IPMK: variants seen among roughly 807,000 people sequenced by gnomAD.
IPMK encodes inositol polyphosphate multikinase.
A neutral mutation model predicts 45.8 loss-of-function variants in IPMK; 17 were observed. The observed-to-expected ratio is 0.37, with a 90% CI of 0.25 to 0.56. The LOEUF (loss-of-function observed/expected upper bound fraction) is 0.56. Among genes scored for constraint, IPMK ranks in the 20% least tolerant of loss-of-function variants. The pLI, the probability that IPMK is intolerant of heterozygous loss-of-function variation, is 0.79. For missense variants in IPMK, 399 were observed against 498.0 expected (o/e 0.80, Z 1.89); for synonymous variants, 180 against 184.3 (o/e 0.98, Z 0.19).
Position 58,195,974 on chromosome 10 carries a change from G to T in IPMK, c.*102C>A. On this transcript the variant is annotated 3_prime_UTR_variant, in exon 6 of 6. Transcript: ENST00000373935. ...AAAGTATAAAGACAAATAAAATGTC[G>T]ACTCATAATACAAATTTTTTACATA... The T allele has an allele frequency of 9.3e-7, 1 of 1,073,378 alleles. No individual in the cohort carries two copies. The highest frequency in any genetic ancestry group is 1.3e-6 in the Non-Finnish European group (1 of 741,324). The allele number at this position is 1,073,378 out of a possible 1,614,324, so 66.5% of individuals were successfully genotyped here.
At chr10:58,241,677 G>C (rs1838698154) in intron 1 of IPMK, among the ~76,000 whole-genome samples, 1 of 152,076 alleles carries the variant, frequency 6.6e-6, no homozygotes, top group Non-Finnish European at 1.5e-5. Flanking sequence ...TTAGCTTGTA[G>C]AAGGTCACCT....
At chr10:58,255,456 C>T (rs2132177026) in intron 1 of IPMK, among the ~76,000 whole-genome samples, 1 of 152,234 alleles carries the variant, frequency 6.6e-6, no homozygotes, top group Non-Finnish European at 1.5e-5. Context: ...AATGATTTCT[C>T]TTATCAGTCA....
chr10:58,244,651 G>A (rs1293133369), intron 1 of IPMK, among the ~76,000 whole-genome samples: 1 of 152,158 alleles, frequency 6.6e-6, no homozygotes, highest in Non-Finnish European at 1.5e-5. Flanking sequence ...TACTGTGTCT[G>A]TGTAGAAAGA....
intron 4 of IPMK, among the ~76,000 whole-genome samples, chr10:58,202,358 A>AT (rs1203172268): frequency 6.6e-6 from 1 of 152,154 alleles, no homozygotes; most frequent in East Asian, 1.9e-4. Context: ...ATACTCACTC[A>AT]TTTGTCCTAG....
chr10:58,225,310 A>G (rs944123095), intron 3 of IPMK, among the ~76,000 whole-genome samples: 2 of 152,200 alleles, frequency 1.3e-5, no homozygotes, highest in African/African-American at 2.4e-5. Context: ...CGTGGAGCTC[A>G]AAAAGATTAC....
At position 58,244,231 on chromosome 10, in the gene IPMK, T is replaced by C. The variant is rs1333401562; in HGVS notation, c.191-6417A>G. ...CCCCACCTGGGAGGTGAGGAGCGCCTATGCCCGGCTGCCCTTGGTCTGGGA... is the reference window on the plus strand; with the variant it reads ...CCCCACCTGGGAGGTGAGGAGCGCCCATGCCCGGCTGCCCTTGGTCTGGGA... On this transcript the variant is annotated intron_variant, in intron 1 of 5. Coordinates refer to ENST00000373935, the MANE Select transcript of IPMK (RefSeq NM_152230.5). Among the ~76,000 whole-genome samples, 82 of 141,790 alleles carry C rather than the reference T, an allele frequency of 5.8e-4. 1 individual carries two copies. The highest frequency in any genetic ancestry group is 9.9e-4 in the Non-Finnish European group (65 of 65,912). The allele number at this position is 141,790 out of a possible 152,430, so 93.0% of individuals were successfully genotyped here. A position where few individuals can be genotyped will look rare whatever the true frequency, so the allele number is the denominator to read the frequency against.
intron 1 of IPMK, among the ~76,000 whole-genome samples, chr10:58,238,837 G>GTT (rs143503851): frequency 1.7e-4 from 25 of 148,956 alleles, no homozygotes; most frequent in African/African-American, 4.5e-4. Flanking sequence ...CAGAAATCAA[G>GTT]TTTGTTTTTT....
At chr10:58,265,668 C>CA (rs1269786325) in intron 1 of IPMK, among the ~76,000 whole-genome samples, 3 of 151,936 alleles carry the variant, frequency 2.0e-5, no homozygotes, top group Admixed American at 1.3e-4. Context: ...TATGAAATTG[C>CA]AAAAAAAGTT....
chr10:58,218,994 G>A (rs1838290494), intron 3 of IPMK, among the ~76,000 whole-genome samples: 1 of 152,134 alleles, frequency 6.6e-6, no homozygotes, highest in Non-Finnish European at 1.5e-5. Context: ...AGTAAATAGG[G>A]ATGAATATCA....
At chr10:58,223,641 G>A (rs1390357624) in intron 3 of IPMK, among the ~76,000 whole-genome samples, 1 of 152,092 alleles carries the variant, frequency 6.6e-6, no homozygotes, top group Middle Eastern at 3.2e-3. Flanking sequence ...ACCACTGCTC[G>A]ATTATGAAGC....
In IPMK at chr10:58,267,449, C is replaced by T; in HGVS notation, c.163G>A (p.Gly55Arg). 6.2e-7 allele frequency: 1 copy of T among 1,613,852 alleles called. No individual in the cohort carries two copies. The highest frequency in any genetic ancestry group is 8.5e-7 in the Non-Finnish European group (1 of 1,179,868). Residue 55 changes from glycine (G) to arginine (R), a missense_variant, in exon 1 of 6, where the codon GGG becomes AGG. Gly to Arg is a moderately radical substitution (Grantham distance 125). Around this residue, in one of 2 missense-constraint regions of IPMK, gnomAD observed 111 missense variants for 99.9 expected, o/e 1.11. Transcript: ENST00000373935. ...GCVPLSHQVA[G>R]HMYGKDKVGI... ...ACTTTGTCCTTCCCGTACATGTGCC[C>T]GGCCACCTGATGCGAGAGGGGCACG...
At chr10:58,243,596 C>T (rs944837110) in intron 1 of IPMK, among the ~76,000 whole-genome samples, 1 of 152,346 alleles carries the variant, frequency 6.6e-6, no homozygotes, top group Admixed American at 6.5e-5. Context: ...TCTCCAGCTC[C>T]TGGCCTCGGG....
rs1161668401 is a variant in IPMK, at chr10:58,267,571, G to A, written c.41C>T (p.Pro14Leu). The change falls in exon 1 of 6, where the codon CCG (proline) becomes CTG (leucine). Residue 14 changes from proline to leucine, a missense_variant. Coordinates refer to ENST00000373935, the MANE Select transcript of IPMK (RefSeq NM_152230.5). Reference protein sequence around the residue: ...EPPSPLRVEAPGPPEMRTSPA... With the variant: ...EPPSPLRVEALGPPEMRTSPA... ...TGAGGTCCGCATTTCTGGGGGGCCC[G>A]GCGCCTCGACCCGGAGGGGGGATGG... The A allele has an allele frequency of 3.1e-6, 5 of 1,608,318 alleles. No individual in the cohort carries two copies. Among genetic ancestry groups the A allele is most frequent in the Non-Finnish European group, 4.2e-6 (5 of 1,177,804 alleles).
chr10:58,266,595 T>C (rs1271838335), intron 1 of IPMK, among the ~76,000 whole-genome samples: 1 of 152,138 alleles, frequency 6.6e-6, no homozygotes, highest in African/African-American at 2.4e-5. Context: ...AGATCCACAA[T>C]ACTCACATAC....
chr10:58,230,533 C>T (rs1340585252), intron 2 of IPMK, among the ~76,000 whole-genome samples: 1 of 152,182 alleles, frequency 6.6e-6, no homozygotes, highest in Non-Finnish European at 1.5e-5. Context: ...ACCAGGCAAA[C>T]GGTCTGGAGT....
intron 1 of IPMK, among the ~76,000 whole-genome samples, chr10:58,248,285 G>C (rs1838831740): frequency 1.3e-5 from 2 of 151,642 alleles, no homozygotes; most frequent in African/African-American, 4.8e-5. Context: ...TAAGAATACT[G>C]TACATTTAAA....
chr10:58,236,131 A>C lies in IPMK; in HGVS notation c.276+1598T>G, dbSNP rs940940195. The stretch of plus-strand genomic sequence containing the variant: ...TTTTTGGTAGAGACGGGGTTTCACC[A>C]TGTTGACCAGGCTGATCTTGAACTC... On this transcript the variant is annotated intron_variant, in intron 2 of 5. Coordinates refer to ENST00000373935, the MANE Select transcript of IPMK (RefSeq NM_152230.5). 6.1e-4 allele frequency among the ~76,000 whole-genome samples: 93 copies of C among 151,228 alleles called. 1 individual carries two copies. Among genetic ancestry groups the C allele is most frequent in the African/African-American group, 2.3e-3 (93 of 40,952 alleles).
At chr10:58,256,255 G>C (rs1588972758) in intron 1 of IPMK, among the ~76,000 whole-genome samples, 1 of 152,266 alleles carries the variant, frequency 6.6e-6, no homozygotes, top group East Asian at 1.9e-4. Flanking sequence ...TTCTCAGCAA[G>C]GAATACCCCT....
chr10:58,211,205 T>C (rs1406470121), intron 4 of IPMK, among the ~76,000 whole-genome samples: 5 of 151,632 alleles, frequency 3.3e-5, no homozygotes, highest in Non-Finnish European at 7.4e-5. Context: ...TTTTTTTTTT[T>C]TTATGAGACA....
Sources: gnomAD v4.1 joint callset for allele counts (sites outside exome capture counted in the v4.1 genomes callset) on GRCh38, gnomAD v4.1.1 for gene constraint, gnomAD v4.1.1 regional missense constraint, MANE v1.5 for transcripts, NCBI Gene and HGNC (gene_info 2026-07-23, HGNC 2026-07-21) for gene names.